The following ZNF804B variants were observed in gnomAD, a reference collection of about 807,000 sequenced individuals.
The protein encoded by ZNF804B is zinc finger protein 804B, also known as zinc finger 804B.
Under a neutral mutation model 101.4 loss-of-function variants are expected in ZNF804B, and 80 were observed. The observed-to-expected ratio is 0.79, with a 90% CI of 0.66 to 0.95. The LOEUF is 0.95. ZNF804B is among the 40% of genes least tolerant of loss of function. The pLI is 0.00. For synonymous variants in ZNF804B, 622 were observed against 558.8 expected, an observed-to-expected ratio of 1.11 and a Z score of -1.59; for missense variants, 1,673 against 1,561.9, an observed-to-expected ratio of 1.07 and a Z score of -1.20.
At chr7:88,830,982 A>G (rs898293311) in intron 1 of ZNF804B, among the ~76,000 whole-genome samples, 1 of 151,872 alleles carries the variant, frequency 6.6e-6, no homozygotes, top group African/African-American at 2.4e-5. Context: ...TATTTGTGAT[A>G]TATGTTGCAA....
intron 1 of ZNF804B, among the ~76,000 whole-genome samples, chr7:89,127,884 A>G (rs1029078312): frequency 6.0e-5 from 9 of 151,010 alleles, no homozygotes; most frequent in Non-Finnish European, 1.3e-4. Flanking sequence ...ATCCATTTGT[A>G]TCTGTAAGTA....
rs1562746259 is a variant in ZNF804B at position 89,338,493 on chromosome 7, C to T, written c.*1461C>T. On this transcript the variant is annotated 3_prime_UTR_variant, in exon 4 of 4. Coordinates refer to ENST00000333190, the MANE Select transcript of ZNF804B (RefSeq NM_181646.5). The stretch of plus-strand genomic sequence containing the variant: ...CTTGGTAAACAGTAGGAAAGGACAT[C>T]GTTGATTCAGGAGAGACTGGTGAGA... Among the ~76,000 whole-genome samples, 1 of 151,630 alleles carries T rather than the reference C, an allele frequency of 6.6e-6. No homozygotes were observed. The highest frequency in any genetic ancestry group is 2.1e-4 in the South Asian group (1 of 4,798).
At chr7:89,287,306 A>G (rs1790216885) in intron 2 of ZNF804B, among the ~76,000 whole-genome samples, 1 of 152,132 alleles carries the variant, frequency 6.6e-6, no homozygotes. Flanking sequence ...CTATATATAT[A>G]CATATGTATA....
chr7:89,027,086 G>A (rs1183243161), intron 1 of ZNF804B, among the ~76,000 whole-genome samples: 2 of 152,034 alleles, frequency 1.3e-5, no homozygotes, highest in Non-Finnish European at 2.9e-5. Context: ...AGAAGAAAGT[G>A]ATTATAAAAA....
chr7:88,806,352 T>C (rs556792898), intron 1 of ZNF804B, among the ~76,000 whole-genome samples: 5 of 152,294 alleles, frequency 3.3e-5, no homozygotes, highest in Admixed American at 1.3e-4. Flanking sequence ...TGCTCCTAAT[T>C]ATAATTTTTA....
At chr7:88,980,740 T>A (rs541579775) in intron 1 of ZNF804B, among the ~76,000 whole-genome samples, 94 of 152,126 alleles carry the variant, frequency 6.2e-4, no homozygotes, top group Middle Eastern at 3.4e-3. Context: ...GCCATCACCA[T>A]TGGGACTGTG....
chr7:88,811,613 T>C (rs1170011022), intron 1 of ZNF804B, among the ~76,000 whole-genome samples: 3 of 152,102 alleles, frequency 2.0e-5, no homozygotes, highest in African/African-American at 7.2e-5. Context: ...GAAAAGGTGG[T>C]ACATATACAC....
chr7:88,999,176 A>G (rs997935026), intron 1 of ZNF804B, among the ~76,000 whole-genome samples: 4 of 152,082 alleles, frequency 2.6e-5, no homozygotes, highest in Non-Finnish European at 5.9e-5. Flanking sequence ...AGAGACTGTC[A>G]AATTATTTTC....
At chr7:89,042,521 A>C (rs940528630) in intron 1 of ZNF804B, among the ~76,000 whole-genome samples, 1 of 152,198 alleles carries the variant, frequency 6.6e-6, no homozygotes, top group Non-Finnish European at 1.5e-5. Context: ...TACTGAGTCA[A>C]ATTTAAAGGC....
chr7:89,289,357 A>G (rs1339439902), intron 2 of ZNF804B, among the ~76,000 whole-genome samples: 3 of 151,886 alleles, frequency 2.0e-5, no homozygotes, highest in Non-Finnish European at 4.4e-5. Context: ...AAAAAAACCA[A>G]CAAACAACAA....
chr7:88,800,162 G>A (rs1234885671), intron 1 of ZNF804B, among the ~76,000 whole-genome samples: 2 of 151,944 alleles, frequency 1.3e-5, no homozygotes, highest in African/African-American at 2.4e-5. Context: ...TTCACTAAGA[G>A]CACATATAAT....
chr7:88,787,671 C>G (rs962099796), intron 1 of ZNF804B, among the ~76,000 whole-genome samples: 16 of 152,220 alleles, frequency 1.1e-4, no homozygotes, highest in African/African-American at 3.9e-4. Flanking sequence ...AAATACAGAT[C>G]CTGTTATCAC....
Position 89,336,553 on chromosome 7 carries a change from C to T in ZNF804B, c.3571C>T (p.Pro1191Ser). The T allele has an allele frequency of 3.1e-6, 5 of 1,614,108 alleles. No homozygotes were observed. The highest frequency in any genetic ancestry group is 3.4e-6 in the Non-Finnish European group (4 of 1,180,008). ...TGCTGCAGGGCCTACTGCCTTCTCT[C>T]CGGCCTCAACCGTACAGACAGTTCC... ...LPAAGPTAFS[P>S]ASTVQTVPVH... Residue 1191 changes from proline (P) to serine (S), a missense_variant, in exon 4 of 4, where the codon CCG (proline) becomes TCG (serine). By Grantham distance (74) the Pro-to-Ser change is moderately conservative (BLOSUM62 -1). Coordinates refer to ENST00000333190, the MANE Select transcript of ZNF804B (RefSeq NM_181646.5).
At chr7:89,159,113 T>TC (rs1491023644) in intron 1 of ZNF804B, among the ~76,000 whole-genome samples, 7 of 152,108 alleles carry the variant, frequency 4.6e-5, no homozygotes, top group African/African-American at 1.7e-4. Flanking sequence ...TACTAAGTCA[T>TC]CTCTCTATTC....
At position 88,902,106 on chromosome 7, in the gene ZNF804B, G is replaced by A. The variant is rs182377586; in HGVS notation, c.108+142022G>A. On this transcript the variant is annotated intron_variant, in intron 1 of 3. Transcript: ENST00000333190. ...ATTCTTTTGATTTAGCTCTAAACCC[G>A]ATACACTTTCTCTTTAGTTTGGGGG... 1.5e-4 allele frequency among the ~76,000 whole-genome samples: 23 copies of A among 151,906 alleles called. No individual in the cohort carries two copies. In the East Asian group the frequency reaches 3.7e-3, roughly 24 times the overall value.
At chr7:88,880,668 A>C (rs1163306977) in intron 1 of ZNF804B, among the ~76,000 whole-genome samples, 1 of 152,156 alleles carries the variant, frequency 6.6e-6, no homozygotes, top group Non-Finnish European at 1.5e-5. Context: ...CAGTAAACTA[A>C]GGGAAGACAC....
intron 1 of ZNF804B, among the ~76,000 whole-genome samples, chr7:88,959,117 T>G (rs553719268): frequency 6.6e-6 from 1 of 151,536 alleles, no homozygotes; most frequent in East Asian, 2.0e-4. Context: ...ACTTTTCATT[T>G]GTATACCAAG....
intron 1 of ZNF804B, among the ~76,000 whole-genome samples, chr7:88,992,593 T>C (rs1409940068): frequency 6.6e-6 from 1 of 151,734 alleles, no homozygotes; most frequent in Non-Finnish European, 1.5e-5. Context: ...AGAAAATGAC[T>C]TTTAAATGGC....
chr7:89,208,087 T>TG (rs1788742369), intron 1 of ZNF804B, among the ~76,000 whole-genome samples: 1 of 149,072 alleles, frequency 6.7e-6, no homozygotes, highest in East Asian at 1.9e-4. Flanking sequence ...ATTGGGTTTT[T>TG]TTTTTTTTTT....
Sources: allele counts gnomAD v4.1 joint callset (sites outside exome capture counted in the v4.1 genomes callset), GRCh38; gene constraint gnomAD v4.1.1; transcripts MANE v1.5; gene names NCBI Gene and HGNC (gene_info 2026-07-23, HGNC 2026-07-21).